Variants in RHOQ observed in about 807,000 individuals in gnomAD.
RHOQ encodes the protein rho-related GTP-binding protein RhoQ.
In RHOQ, 7 loss-of-function variants were observed where a neutral mutation model predicts 25.8. That is an observed-to-expected ratio of 0.27 (90% CI 0.15 to 0.51). The LOEUF (loss-of-function observed/expected upper bound fraction) is 0.51, where lower values mean the gene tolerates loss of function less well. RHOQ is among the 20% of genes least tolerant of loss of function. RHOQ has a pLI of 0.97. For missense variants in RHOQ, 165 were observed against 260.6 expected (o/e 0.63, Z 2.53); for synonymous variants, 97 against 98.6 (o/e 0.98, Z 0.10).
Position 46,543,330 on chromosome 2 carries a change from AC to A in RHOQ, c.142+147del, listed in dbSNP as rs951315702. 1.3e-3 allele frequency: 922 copies of A among 716,742 alleles called. 3 individuals are homozygous for A. Among genetic ancestry groups the A allele is most frequent in the South Asian group, 2.2e-3 (129 of 58,406 alleles). 44.4% of individuals were successfully genotyped at this position (716,742 alleles called of 1,614,324 possible). A position where few individuals can be genotyped will look rare whatever the true frequency, so the allele number is the denominator to read the frequency against. On this transcript the variant is annotated intron_variant, in intron 1 of 4. Transcript: ENST00000238738. ...CGCCCTCTGCCAGGCGGCCGGCCCC[AC>A]CCCCGAAGCTTCGCTCCTGGCAACC...
At chr2:46,551,171 G>T (rs1668229637) in intron 2 of RHOQ, among the ~76,000 whole-genome samples, 1 of 152,166 alleles carries the variant, frequency 6.6e-6, no homozygotes, top group Non-Finnish European at 1.5e-5. Context: ...CTCCTTGTGG[G>T]GTTGTTAGAT....
At chr2:46,543,350 G>A (rs1310630827) in intron 1 of RHOQ, 162 bp downstream of exon 1, 2 of 703,966 alleles carry the variant, frequency 2.8e-6, no homozygotes, top group Non-Finnish European at 4.7e-6. Context: ...CTTCGCTCCT[G>A]GCAACCCCTC....
At position 46,567,187 on chromosome 2, in the gene RHOQ, C is replaced by G. The variant is rs774435873; in HGVS notation, c.202-8900C>G. ...TTTATTTCAGTGTTAAATTCCTAAA[C>G]TCCCAAGGCTGACTACTCCAGAAAT... On this transcript the variant is annotated intron_variant, in intron 2 of 4. Coordinates refer to ENST00000238738, the MANE Select transcript of RHOQ (RefSeq NM_012249.4). 1.6e-4 allele frequency among the ~76,000 whole-genome samples: 24 copies of G among 152,254 alleles called. 1 individual carries two copies. Among genetic ancestry groups the G allele is most frequent in the South Asian group, 1.0e-3 (5 of 4,828 alleles).
chr2:46,543,693 A>G lies in RHOQ; in HGVS notation c.143-61A>G. On this transcript the variant is annotated intron_variant, in intron 1 of 4. Coordinates refer to ENST00000238738, the MANE Select transcript of RHOQ (RefSeq NM_012249.4). ...GAGGAGGGTCCGGGTGGGGAGCGAA[A>G]TTGCCCCAGAGCCCAGGTCACTGTG... 6 of 1,517,886 alleles carry G rather than the reference A, an allele frequency of 4.0e-6. No individual in the cohort carries two copies. In the Admixed American group the frequency reaches 5.3e-5, roughly 13 times the overall value. The allele number at this position is 1,517,886 out of a possible 1,614,324, so 94.0% of individuals were successfully genotyped here.
At chr2:46,545,657 G>C (rs947786877) in intron 2 of RHOQ, among the ~76,000 whole-genome samples, 1 of 152,196 alleles carries the variant, frequency 6.6e-6, no homozygotes, top group Non-Finnish European at 1.5e-5. Flanking sequence ...GATTGGGACA[G>C]GGGTCTGAAT....
intron 2 of RHOQ, among the ~76,000 whole-genome samples, chr2:46,545,789 T>C (rs1295757280): frequency 1.3e-5 from 2 of 152,222 alleles, no homozygotes; most frequent in Non-Finnish European, 1.5e-5. Flanking sequence ...AGCCATTCTC[T>C]GAGTGGGTGT....
intron 2 of RHOQ, among the ~76,000 whole-genome samples, chr2:46,558,916 T>A (rs938248146): frequency 6.6e-6 from 1 of 152,130 alleles, no homozygotes; most frequent in African/African-American, 2.4e-5. Context: ...GTTGTCTGGA[T>A]GTTCTTTTTT....
At chr2:46,543,319 C>A (rs1025568121) in intron 1 of RHOQ, 131 bp downstream of exon 1, 21 of 988,646 alleles carry the variant, frequency 2.1e-5, no homozygotes, top group Non-Finnish European at 3.0e-5. Flanking sequence ...CTCTGCCAGG[C>A]GGCCGGCCCC....
intron 2 of RHOQ, among the ~76,000 whole-genome samples, chr2:46,565,571 G>T (rs927277084): frequency 6.6e-6 from 1 of 152,218 alleles, no homozygotes. Context: ...ACATCTGGCC[G>T]AAAGTGACAT....
At chr2:46,567,277 A>G (rs1232582280) in intron 2 of RHOQ, among the ~76,000 whole-genome samples, 1 of 152,206 alleles carries the variant, frequency 6.6e-6, no homozygotes, top group African/African-American at 2.4e-5. Context: ...AGTTACAAAT[A>G]TTGGCTAACA....
chr2:46,543,895 G>A, intron 2 of RHOQ, 83 bp downstream of exon 2: 3 of 1,205,290 alleles, frequency 2.5e-6, no homozygotes, highest in Non-Finnish European at 3.6e-6. Context: ...AAACCGAGGT[G>A]TCTAGGTGGG....
At chr2:46,545,950 T>G (rs960915532) in intron 2 of RHOQ, among the ~76,000 whole-genome samples, 4 of 152,150 alleles carry the variant, frequency 2.6e-5, no homozygotes, top group African/African-American at 9.7e-5. Flanking sequence ...AACATATTAG[T>G]AAGGCTCAAA....
At chr2:46,568,113 CT>C (rs979291346) in intron 2 of RHOQ, 2 of 152,064 alleles carry the variant, frequency 1.3e-5, no homozygotes, top group African/African-American at 4.8e-5. Context: ...TGCCAAAAAA[CT>C]TTATTTTTTT....
rs1371287263 is a variant in RHOQ at position 46,566,131 on chromosome 2, G to T, written c.202-9956G>T. Among the ~76,000 whole-genome samples the T allele has an allele frequency of 6.6e-6, 1 of 152,218 alleles. No individual in the cohort carries two copies. The highest frequency in any genetic ancestry group is 2.4e-5 in the African/African-American group (1 of 41,460). ...CTGAGAACTTTCAGGTTTCTGGCTT[G>T]TGCACCCTGATTGAGTGGTGATATC... On this transcript the variant is annotated intron_variant, in intron 2 of 4. Transcript: ENST00000238738. The surrounding 1 kb of genome is among the most constrained non-coding windows in gnomAD (Gnocchi z 4.2).
At chr2:46,560,629 A>T (rs1391190333) in intron 2 of RHOQ, 1 of 456,272 alleles carries the variant, frequency 2.2e-6, no homozygotes, top group East Asian at 6.9e-5. Flanking sequence ...ATGGGTTTCC[A>T]GTGGCCAGGA....
At chr2:46,557,493 A>T (rs1297176095) in intron 2 of RHOQ, among the ~76,000 whole-genome samples, 1 of 152,206 alleles carries the variant, frequency 6.6e-6, no homozygotes, top group Non-Finnish European at 1.5e-5. Flanking sequence ...AACTTTAAAG[A>T]AAATGCACAT....
rs914600024 is a variant in RHOQ at position 46,552,779 on chromosome 2, C to A, written c.201+8967C>A. Among the ~76,000 whole-genome samples, 4 of 152,196 alleles carry A rather than the reference C, an allele frequency of 2.6e-5. No individual in the cohort carries two copies. The highest frequency in any genetic ancestry group is 2.6e-4 in the Admixed American group (4 of 15,280). On this transcript the variant is annotated intron_variant, in intron 2 of 4. Transcript: ENST00000238738. This position sits in a 1 kb window ranked among gnomAD's most constrained non-coding sequence, Gnocchi z 5.0. ...GAAGATCTGTCAGGCACAGGCCTGG[C>A]CCCCAGAGGCACAGTGTTTTGAAGG...
chr2:46,572,056 C>T (rs959314152), intron 2 of RHOQ, among the ~76,000 whole-genome samples: 6 of 143,690 alleles, frequency 4.2e-5, no homozygotes, highest in Admixed American at 6.9e-5. Flanking sequence ...CCTCTCAGAG[C>T]GCATTTCTTT....
At chr2:46,570,338 G>A (rs993773946) in intron 2 of RHOQ, among the ~76,000 whole-genome samples, 1 of 152,128 alleles carries the variant, frequency 6.6e-6, no homozygotes, top group Non-Finnish European at 1.5e-5. Context: ...TACTCAGGAG[G>A]CAGAGGCATG....
Sources: gnomAD v4.1 joint callset for allele counts (sites outside exome capture counted in the v4.1 genomes callset) on GRCh38, gnomAD v4.1.1 for gene constraint, Gnocchi (gnomAD v3.1) non-coding constraint, MANE v1.5 for transcripts, NCBI Gene and HGNC (gene_info 2026-07-23, HGNC 2026-07-21) for gene names.